NFIB: variants seen among roughly 807,000 people sequenced by gnomAD.
NFIB encodes the protein nuclear factor I B, also known as nuclear factor 1 B-type.
Under a neutral mutation model 61.5 loss-of-function variants are expected in NFIB, and 11 were observed. The ratio of observed to expected loss-of-function variants is 0.18; its 90% confidence interval spans 0.11 to 0.30. NFIB has a LOEUF of 0.30. Among genes scored for constraint, NFIB ranks in the 10% least tolerant of loss-of-function variants. The probability of loss-of-function intolerance (pLI) is 1.00; values close to 1 mark genes in which losing one functional copy is unlikely to be tolerated. For missense variants in NFIB, 471 were observed against 608.9 expected (o/e 0.77, Z 2.38); for synonymous variants, 260 against 216.5 (o/e 1.20, Z -1.76).
At chr9:14,434,259 G>A in the NFIB span, among the ~76,000 whole-genome samples, 3 of 152,262 alleles carry the variant, frequency 2.0e-5, no homozygotes, top group South Asian at 2.1e-4. Flanking sequence ...TTGCTGTCCA[G>A]GAAATGGTGA....
At chr9:14,407,471 G>A in the NFIB span, among the ~76,000 whole-genome samples, 1 of 152,162 alleles carries the variant, frequency 6.6e-6, no homozygotes, top group Non-Finnish European at 1.5e-5. Context: ...GGTCTGAGGA[G>A]GGTCCATCAG....
rs1251844212 is a variant in NFIB, at chr9:14,120,746, T to A, written c.1061-122A>T. ...ACCATTCATTTTTGTCCCCATGATTTAACCAAGCTCTCCTAAATCAACAGT... is the reference window on the plus strand; with the variant it reads ...ACCATTCATTTTTGTCCCCATGATTAAACCAAGCTCTCCTAAATCAACAGT... On this transcript the variant is annotated intron_variant, in intron 7 of 10. Transcript: ENST00000380953. The surrounding 1 kb of genome is among the most constrained non-coding windows in gnomAD (Gnocchi z 4.4). The A allele has an allele frequency of 3.1e-6, 3 of 967,778 alleles. No homozygotes were observed. Among genetic ancestry groups the A allele is most frequent in the Non-Finnish European group, 4.5e-6 (3 of 668,120 alleles). 59.9% of individuals were successfully genotyped at this position (967,778 alleles called of 1,614,324 possible).
chr9:14,263,057 G>A lies in NFIB; in HGVS notation c.562+43932C>T, dbSNP rs558889791. ...CTTTCCCAAGGTCTCCAAGTACTGC[G>A]GCATGCACATATCCTGCCATATTGT... is the stretch of plus-strand genomic sequence containing the variant. On this transcript the variant is annotated intron_variant, in intron 2 of 10. Transcript: ENST00000380953. Among the ~76,000 whole-genome samples, 27 of 152,252 alleles carry A rather than the reference G, an allele frequency of 1.8e-4. No individual in the cohort carries two copies. The South Asian group carries it at 3.3e-3, about 19-fold the overall frequency.
intron 2 of NFIB, among the ~76,000 whole-genome samples, chr9:14,227,499 G>A (rs1211636593): frequency 6.6e-6 from 1 of 152,164 alleles, no homozygotes; most frequent in Non-Finnish European, 1.5e-5. Flanking sequence ...ATCATACTAT[G>A]GAGAAAGGCA....
At chr9:14,176,455 C>T (rs1587336727) in intron 3 of NFIB, among the ~76,000 whole-genome samples, 1 of 152,178 alleles carries the variant, frequency 6.6e-6, no homozygotes, top group East Asian at 1.9e-4. Context: ...GTGCCCACCC[C>T]TGCCACGTAA....
At chr9:14,316,832 T>C (rs1275365408), upstream of NFIB, among the ~76,000 whole-genome samples, 1 of 152,184 alleles carries the variant, frequency 6.6e-6, no homozygotes, top group Non-Finnish European at 1.5e-5. Flanking sequence ...GCAGTTTCCC[T>C]TTGAACAAAT....
At chr9:14,349,555 C>G (rs185173342) in intron 1 of NFIB, among the ~76,000 whole-genome samples, 1 of 152,150 alleles carries the variant, frequency 6.6e-6, no homozygotes, top group African/African-American at 2.4e-5. Context: ...CGTTTGGGGT[C>G]CAAAGGGAAG....
At chr9:14,318,790 T>A (rs1382071730), upstream of NFIB, among the ~76,000 whole-genome samples, 3 of 152,058 alleles carry the variant, frequency 2.0e-5, no homozygotes, top group Admixed American at 6.6e-5. Context: ...AATCCACTCA[T>A]AAATGCATAT....
chr9:14,323,883 T>G (rs2060719932), intron 1 of NFIB, among the ~76,000 whole-genome samples: 1 of 152,230 alleles, frequency 6.6e-6, no homozygotes, highest in Non-Finnish European at 1.5e-5. Context: ...GTGAATAATA[T>G]ACATAGCTAT....
intron 2 of NFIB, among the ~76,000 whole-genome samples, chr9:14,217,086 GC>G (rs929539237): frequency 1.3e-5 from 2 of 152,254 alleles, no homozygotes; most frequent in Non-Finnish European, 2.9e-5. Context: ...AGGATGTTAT[GC>G]CCCAAAACCT....
intron 1 of NFIB, among the ~76,000 whole-genome samples, chr9:14,367,227 C>T (rs1199648059): frequency 2.2e-4 from 33 of 152,016 alleles, no homozygotes; most frequent in Non-Finnish European, 4.4e-5. Flanking sequence ...CTAGGGGAGA[C>T]AAACATGTTA....
the NFIB span, among the ~76,000 whole-genome samples, chr9:14,486,583 C>T: frequency 2.6e-5 from 4 of 152,218 alleles, no homozygotes; most frequent in African/African-American, 9.6e-5. Context: ...CACCTATTCT[C>T]ATTTATCTTG....
chr9:14,360,802 C>T (rs1033892742), intron 1 of NFIB, among the ~76,000 whole-genome samples: 3 of 151,908 alleles, frequency 2.0e-5, no homozygotes, highest in Admixed American at 2.0e-4. Context: ...CCTGGGCCTC[C>T]CAAAGCCTGG....
intron 1 of NFIB, among the ~76,000 whole-genome samples, chr9:14,329,660 G>A (rs1192815824): frequency 1.3e-5 from 2 of 151,858 alleles, no homozygotes; most frequent in African/African-American, 2.4e-5. Context: ...GACTACAGGT[G>A]CGTACCACCA....
At chr9:14,477,407 C>T in the NFIB span, among the ~76,000 whole-genome samples, 84 of 151,990 alleles carry the variant, frequency 5.5e-4, no homozygotes, top group Admixed American at 3.8e-3. Flanking sequence ...CAAAATGTCA[C>T]CTATTCAGAT....
chr9:14,399,166 T>C (rs967031395), upstream of NFIB, among the ~76,000 whole-genome samples: 1 of 152,246 alleles, frequency 6.6e-6, no homozygotes, highest in African/African-American at 2.4e-5. Flanking sequence ...TTTGAATATA[T>C]GTTGTTGGAA....
At chr9:14,092,691 T>C (rs539375128) in intron 10 of NFIB, among the ~76,000 whole-genome samples, 3 of 152,182 alleles carry the variant, frequency 2.0e-5, no homozygotes, top group African/African-American at 7.2e-5. Flanking sequence ...GTGCACAGAA[T>C]ATGTAGCTGG....
At chr9:14,378,951 GATGGAAGC>G (rs1447134067) in intron 1 of NFIB, among the ~76,000 whole-genome samples, 3 of 152,282 alleles carry the variant, frequency 2.0e-5, no homozygotes, top group Non-Finnish European at 2.9e-5. Flanking sequence ...CATTGAGAAG[GATGGAAGC>G]CTCCCACAAT....
At chr9:14,205,999 T>C (rs2049649237) in intron 2 of NFIB, among the ~76,000 whole-genome samples, 1 of 152,110 alleles carries the variant, frequency 6.6e-6, no homozygotes, top group African/African-American at 2.4e-5. Flanking sequence ...CTCAGCATTA[T>C]TAATTATGTT....
Sources: gnomAD v4.1 joint callset for allele counts (sites outside exome capture counted in the v4.1 genomes callset) on GRCh38, gnomAD v4.1.1 for gene constraint, Gnocchi (gnomAD v3.1) non-coding constraint, MANE v1.5 for transcripts, NCBI Gene and HGNC (gene_info 2026-07-23, HGNC 2026-07-21) for gene names.